The following FAHD2A variants were observed in gnomAD, a reference collection of about 807,000 sequenced individuals.
FAHD2A encodes oxaloacetate tautomerase FAHD2A, mitochondrial.
In FAHD2A, 27 loss-of-function variants were observed where a neutral mutation model predicts 33.4. That is an observed-to-expected ratio of 0.81 (90% confidence interval 0.60 to 1.11). FAHD2A has a LOEUF of 1.11. FAHD2A is among the 50% of genes most tolerant of loss of function. The pLI is 0.00. For synonymous variants in FAHD2A, 130 were observed against 153.3 expected (o/e 0.85, Z 1.12); for missense variants, 296 against 395.0 (o/e 0.75, Z 2.12).
intron 3 of FAHD2A, among the ~76,000 whole-genome samples, chr2:95,409,043 A>G (rs911311666): frequency 1.3e-5 from 2 of 151,434 alleles, no homozygotes; most frequent in African/African-American, 4.9e-5. Context: ...CAGGGTAAGC[A>G]TTTTTATCAA....
chr2:95,407,324 A>G, intron 3 of FAHD2A, 167 bp downstream of exon 3: 5 of 975,782 alleles, frequency 5.1e-6, no homozygotes, highest in Non-Finnish European at 7.5e-6. Context: ...AAAAAAGTTA[A>G]TGTACGTGTT....
At chr2:95,408,011 C>T (rs1681879571) in intron 3 of FAHD2A, among the ~76,000 whole-genome samples, 1 of 149,758 alleles carries the variant, frequency 6.7e-6, no homozygotes, top group Admixed American at 6.7e-5. Flanking sequence ...TGTCTTCTCC[C>T]TGCCCTCCAC....
In FAHD2A at chr2:95,415,098, A is replaced by C. The variant is rs1184607267; in HGVS notation, c.*2141A>C. On this transcript the variant is annotated 3_prime_UTR_variant, in exon 8 of 8. Coordinates refer to ENST00000233379, the MANE Select transcript of FAHD2A (RefSeq NM_016044.3). ...AAAGCCAAGGACACTGCTCTACTCT[A>C]AATTTTTTGTCCCGAAGCCCCCAAA... The C allele has an allele frequency of 6.6e-6, 1 of 152,062 alleles. No homozygotes were observed. Among genetic ancestry groups the C allele is most frequent in the Non-Finnish European group, 1.5e-5 (1 of 68,018 alleles). The allele number at this position is 152,062 out of a possible 1,614,324, so 9.4% of individuals were successfully genotyped here.
chr2:95,411,049 C>A, intron 5 of FAHD2A, 23 bp downstream of exon 5: 2 of 1,613,036 alleles, frequency 1.2e-6, no homozygotes, highest in Admixed American at 1.7e-5. Flanking sequence ...TCCCTGCCCC[C>A]TTATACCTAC....
At chr2:95,418,170 C>G (rs1683260618), downstream of FAHD2A, among the ~76,000 whole-genome samples, 2 of 152,002 alleles carry the variant, frequency 1.3e-5, no homozygotes, top group African/African-American at 4.8e-5. Context: ...CTGTAGAAGT[C>G]TCTGAGCAGT....
downstream of FAHD2A, among the ~76,000 whole-genome samples, chr2:95,419,964 T>C (rs1368750696): frequency 6.6e-6 from 1 of 152,002 alleles, no homozygotes; most frequent in Non-Finnish European, 1.5e-5. Flanking sequence ...GCAATACAGT[T>C]CTACAGTCCA....
In FAHD2A at chr2:95,413,509, G is replaced by A; in HGVS notation, c.*552G>A. 6.2e-7 allele frequency: 1 copy of A among 1,608,166 alleles called. No homozygotes were observed. Among genetic ancestry groups the A allele is most frequent in the Non-Finnish European group, 8.5e-7 (1 of 1,178,138 alleles). On this transcript the variant is annotated 3_prime_UTR_variant, in exon 8 of 8. Coordinates refer to ENST00000233379, the MANE Select transcript of FAHD2A (RefSeq NM_016044.3). ...TAGTTTTTCCTGATTGTCCAGGCTG[G>A]CAAAAGTAGGGGACAGGTGGAGCCT...
chr2:95,414,088 T>G lies in FAHD2A; in HGVS notation c.*1131T>G, dbSNP rs1026572843. The G allele has an allele frequency of 9.9e-6, 14 of 1,419,126 alleles. No individual in the cohort carries two copies. The highest frequency in any genetic ancestry group is 1.4e-5 in the Non-Finnish European group (14 of 1,010,878). The allele number at this position is 1,419,126 out of a possible 1,614,324, so 87.9% of individuals were successfully genotyped here. On this transcript the variant is annotated 3_prime_UTR_variant, in exon 8 of 8. Coordinates refer to ENST00000233379, the MANE Select transcript of FAHD2A (RefSeq NM_016044.3). ...ACACTGGGCACAGGCTTCTCTCCTC[T>G]TGTTTAAAGAAGCCCAGGGAGGGAT...
chr2:95,412,775 G>A lies in FAHD2A; in HGVS notation c.882+11G>A, dbSNP rs368126505. On this transcript the variant is annotated intron_variant, in intron 7 of 7. Coordinates refer to ENST00000233379, the MANE Select transcript of FAHD2A (RefSeq NM_016044.3). The stretch of plus-strand genomic sequence containing the variant: ...CCTGTCTTTCTCAAGGTAGGTTAGC[G>A]AAAAGCAAAGAGCAAGGGCCCCAAA... The A allele has an allele frequency of 9.9e-6, 16 of 1,614,130 alleles. No homozygotes were observed. Among genetic ancestry groups the A allele is most frequent in the African/African-American group, 9.3e-5 (7 of 75,074 alleles).
chr2:95,406,432 T>C (rs1195758763), intron 2 of FAHD2A, among the ~76,000 whole-genome samples: 2 of 150,866 alleles, frequency 1.3e-5, no homozygotes, highest in East Asian at 3.9e-4. Flanking sequence ...ACTGGAAATC[T>C]CCATGCCCCT....
intron 5 of FAHD2A, among the ~76,000 whole-genome samples, chr2:95,412,034 G>A (rs896275808): frequency 3.3e-5 from 5 of 152,118 alleles, no homozygotes; most frequent in South Asian, 2.1e-4. Flanking sequence ...ATCAGTTCTC[G>A]CCTGCCTTGG....
At chr2:95,412,212 T>A (rs1297914737) in intron 5 of FAHD2A, among the ~76,000 whole-genome samples, 1 of 151,626 alleles carries the variant, frequency 6.6e-6, no homozygotes, top group African/African-American at 2.4e-5. Flanking sequence ...TCTCAACCCA[T>A]CCCTGTTACT....
At chr2:95,403,180 T>A (rs181023965) in intron 1 of FAHD2A, among the ~76,000 whole-genome samples, 14 of 152,164 alleles carry the variant, frequency 9.2e-5, no homozygotes, top group African/African-American at 2.9e-4. Flanking sequence ...TCTTGCAGAG[T>A]TGGATTGAGC....
rs373582723 is a variant in FAHD2A, at chr2:95,412,128, G to A, written c.686-306G>A. Among the ~76,000 whole-genome samples the A allele has an allele frequency of 1.3e-4, 20 of 152,138 alleles. No individual in the cohort carries two copies. In the East Asian group the frequency reaches 1.5e-3, roughly 12 times the overall value. On this transcript the variant is annotated intron_variant, in intron 5 of 7. Transcript: ENST00000233379. ...TCTACAGGTGTCATCCTATGCTGTA[G>A]ACAGATGCCCTTATTTTTTTCAAGG...
intron 5 of FAHD2A, among the ~76,000 whole-genome samples, 169 bp from the exon 6 acceptor site, chr2:95,412,265 G>A (rs1419096559): frequency 2.0e-5 from 3 of 151,912 alleles, no homozygotes; most frequent in South Asian, 4.2e-4. Context: ...GGCCTGAGAA[G>A]GCCAATGTCT....
At chr2:95,411,188 T>G (rs1682439846) in intron 5 of FAHD2A, among the ~76,000 whole-genome samples, 162 bp downstream of exon 5, 3 of 152,222 alleles carry the variant, frequency 2.0e-5, no homozygotes, top group Non-Finnish European at 4.4e-5. Flanking sequence ...CCACGAGTTC[T>G]CCCATGGGCT....
At position 95,413,898 on chromosome 2, in the gene FAHD2A, C is replaced by T; in HGVS notation, c.*941C>T. The T allele has an allele frequency of 5.0e-6, 5 of 997,014 alleles. No homozygotes were observed. The highest frequency in any genetic ancestry group is 3.4e-5 in the Admixed American group (2 of 58,160). The allele number at this position is 997,014 out of a possible 1,614,324, so 61.8% of individuals were successfully genotyped here. A position where few individuals can be genotyped will look rare whatever the true frequency, so the allele number is the denominator to read the frequency against. ...GTGATGGGAACATAGCTGGGTTTCC[C>T]TGAGCCACTCTATTGGGGTGGGAGC... On this transcript the variant is annotated 3_prime_UTR_variant, in exon 8 of 8. Coordinates refer to ENST00000233379, the MANE Select transcript of FAHD2A (RefSeq NM_016044.3).
At chr2:95,410,474 G>C (rs924436055) in intron 3 of FAHD2A, 53 bp from the exon 4 acceptor site, 1 of 1,572,548 alleles carries the variant, frequency 6.4e-7, no homozygotes, top group Non-Finnish European at 8.6e-7. Flanking sequence ...CTCTCAGCAT[G>C]GACAGTGGGC....
downstream of FAHD2A, among the ~76,000 whole-genome samples, chr2:95,417,164 T>A (rs1199669937): frequency 3.3e-5 from 5 of 152,238 alleles, no homozygotes; most frequent in Non-Finnish European, 5.9e-5. Context: ...ACTATAGGGA[T>A]GTTCCTTAAT....
Sources: allele counts gnomAD v4.1 joint callset (sites outside exome capture counted in the v4.1 genomes callset), GRCh38; gene constraint gnomAD v4.1.1; transcripts MANE v1.5; gene names NCBI Gene and HGNC (gene_info 2026-07-23, HGNC 2026-07-21).